SYNJ1: variants seen among roughly 807,000 people sequenced by gnomAD.
The protein encoded by SYNJ1 is polyphosphatidylinositol phosphatase SYNJ1.
A neutral mutation model predicts 168.2 loss-of-function variants in SYNJ1; 78 were observed. The observed-to-expected ratio is 0.46, with a 90% CI of 0.39 to 0.56. The LOEUF (loss-of-function observed/expected upper bound fraction) is 0.56. Among genes scored for constraint, SYNJ1 ranks in the 20% least tolerant of loss-of-function variants. The pLI is 0.00. For synonymous variants in SYNJ1, 539 were observed against 548.6 expected, an observed-to-expected ratio of 0.98 and a Z score of 0.24; for missense variants, 1,303 against 1,597.6, an observed-to-expected ratio of 0.82 and a Z score of 3.14.
intron 2 of SYNJ1, among the ~76,000 whole-genome samples, chr21:32,708,979 A>G (rs1317116783): frequency 1.3e-5 from 2 of 152,304 alleles, no homozygotes; most frequent in South Asian, 4.1e-4. Context: ...AGGTGGAACA[A>G]TATGTAACAG....
intron 6 of SYNJ1, among the ~76,000 whole-genome samples, 177 bp from the exon 7 acceptor site, chr21:32,688,544 A>C (rs534835808): frequency 6.6e-6 from 1 of 152,278 alleles, no homozygotes; most frequent in Non-Finnish European, 1.5e-5. Flanking sequence ...TCCACCCTCC[A>C]CCTTTATTTT....
In SYNJ1 at chr21:32,670,340, T is replaced by C. The variant is rs1174678552; in HGVS notation, c.1759A>G (p.Ile587Val). 4 of 1,613,582 alleles carry C rather than the reference T, an allele frequency of 2.5e-6. No homozygotes were observed. Among genetic ancestry groups the C allele is most frequent in the African/African-American group, 1.3e-5 (1 of 75,052 alleles). The change falls in exon 15 of 33, where the codon ATT becomes GTT. Residue 587 changes from isoleucine (I) to valine (V), a missense_variant. Physicochemically the swap from Ile to Val is conservative, Grantham distance 29 (BLOSUM62 3). This residue lies in a region of SYNJ1 where 920 missense variants were observed against 1,208.8 expected (regional missense o/e 0.76). Transcript: ENST00000674351. ...AATTCTACCATTTCTTCAAAACCAA[T>C]TGCAAATATATCAGTTGGCTTACTT... ...KRSKPTDIFA[I>V]GFEEMVELNA...
In SYNJ1 at chr21:32,676,428, G is replaced by C. The variant is rs2041412392; in HGVS notation, c.1511-73C>G. 2.8e-6 allele frequency: 4 copies of C among 1,454,170 alleles called. No homozygotes were observed. In the African/African-American group the frequency reaches 4.3e-5, roughly 16 times the overall value. 90.1% of individuals were successfully genotyped at this position (1,454,170 alleles called of 1,614,324 possible). A position where few individuals can be genotyped will look rare whatever the true frequency, so the allele number is the denominator to read the frequency against. ...TTACAATTAAAATGTTGAGTATAGTGACAAAACATTTTGAGAAGACCTCAC... is the reference window on the plus strand; with the variant it reads ...TTACAATTAAAATGTTGAGTATAGTCACAAAACATTTTGAGAAGACCTCAC... On this transcript the variant is annotated intron_variant, in intron 12 of 32. Coordinates refer to ENST00000674351, the MANE Select transcript of SYNJ1 (RefSeq NM_203446.3).
At chr21:32,640,696 G>A (rs541835455) in intron 29 of SYNJ1, among the ~76,000 whole-genome samples, 9 of 152,198 alleles carry the variant, frequency 5.9e-5, no homozygotes, top group African/African-American at 2.2e-4. Flanking sequence ...TGCGTAGCTG[G>A]GACTACAGGT....
Position 32,673,416 on chromosome 21 carries a change from G to T in SYNJ1, c.1650C>A (p.Ser550Arg), listed in dbSNP as rs764270943. The T allele has an allele frequency of 6.2e-7, 1 of 1,613,940 alleles. No individual in the cohort carries two copies. The highest frequency in any genetic ancestry group is 1.7e-5 in the Admixed American group (1 of 59,990). Residue 550 changes from serine to arginine, a missense_variant, in exon 14 of 33, where the codon AGC becomes AGA. This residue lies in a region of SYNJ1 where 920 missense variants were observed against 1,208.8 expected (regional missense o/e 0.76). Coordinates refer to ENST00000674351, the MANE Select transcript of SYNJ1 (RefSeq NM_203446.3). ...TGAGTGTCTGATTCTTAAAAGCTAT[G>T]CTGCGAAATTGCTTCCCACCATTCA... ...WNVNGGKQFR[S>R]IAFKNQTLTD...
At chr21:32,690,521 A>G (rs909993349) in intron 6 of SYNJ1, among the ~76,000 whole-genome samples, 1 of 152,184 alleles carries the variant, frequency 6.6e-6, no homozygotes, top group South Asian at 2.1e-4. Context: ...ACAATAACAG[A>G]GCTATTGCCA....
rs2039858537 is a variant in SYNJ1, at chr21:32,641,962, G to C, written c.3522C>G (p.Arg1174=). 1 of 1,613,914 alleles carries C rather than the reference G, an allele frequency of 6.2e-7. No individual in the cohort carries two copies. The highest frequency in any genetic ancestry group is 8.5e-7 in the Non-Finnish European group (1 of 1,179,928). The change falls in exon 29 of 33, where the codon CGC becomes CGG. Residue 1174 remains arginine, a synonymous_variant. Transcript: ENST00000674351. ...PGTTRKDNIG[R]SQPSPQAGLA... ...GTCCTGCTTGAGGTGAAGGCTGACTGCGTCCTGGAACAAAGACATCATATC... is the reference window on the plus strand; with the variant it reads ...GTCCTGCTTGAGGTGAAGGCTGACTCCGTCCTGGAACAAAGACATCATATC...
intron 19 of SYNJ1, 34 bp downstream of exon 19, chr21:32,657,682 T>C (rs749985131): frequency 1.7e-4 from 260 of 1,563,236 alleles, no homozygotes; most frequent in Non-Finnish European, 2.2e-4. Context: ...AAGTTTACAT[T>C]AGTTCATTTA....
chr21:32,637,399 CTTTTTTCTTTTTTTT>C (rs1421238215), intron 31 of SYNJ1, among the ~76,000 whole-genome samples: 2 of 137,394 alleles, frequency 1.5e-5, no homozygotes, highest in Non-Finnish European at 3.1e-5. Context: ...CTCAATTTTT[CTTTTTTCTTTTTTTT>C]TTTTTTTTTT....
intron 18 of SYNJ1, 94 bp from the exon 19 acceptor site, chr21:32,657,966 G>T: frequency 1.0e-6 from 1 of 970,780 alleles, no homozygotes; most frequent in Non-Finnish European, 1.5e-6. Context: ...ATTACATGCT[G>T]GATGCTCTCA....
intron 2 of SYNJ1, among the ~76,000 whole-genome samples, chr21:32,715,727 A>G (rs1050520103): frequency 3.0e-4 from 46 of 152,256 alleles, no homozygotes; most frequent in African/African-American, 1.1e-3. Flanking sequence ...GAAACACAAA[A>G]TTTTAATAAG....
At chr21:32,653,169 A>G in intron 22 of SYNJ1, 119 bp downstream of exon 22, 2 of 773,832 alleles carry the variant, frequency 2.6e-6, no homozygotes, top group Non-Finnish European at 2.1e-6. Flanking sequence ...CTCCTCGAAC[A>G]TACCATAAGG....
At chr21:32,634,569 C>G (rs923093288) in intron 32 of SYNJ1, among the ~76,000 whole-genome samples, 2 of 152,086 alleles carry the variant, frequency 1.3e-5, no homozygotes, top group Non-Finnish European at 2.9e-5. Flanking sequence ...GCCAAAAAGG[C>G]CTTCATATAC....
At position 32,701,965 on chromosome 21, in the gene SYNJ1, A is replaced by G; in HGVS notation, c.207T>C (p.Asn69=). 1 of 1,540,664 alleles carries G rather than the reference A, an allele frequency of 6.5e-7. No homozygotes were observed. Among genetic ancestry groups the G allele is most frequent in the Non-Finnish European group, 8.8e-7 (1 of 1,134,910 alleles). Residue 69 remains asparagine (N), a synonymous_variant, in exon 3 of 33, where the codon AAT becomes AAC. Transcript: ENST00000674351. ...TCTACTGAATGATAAACTTACCAAG[A>G]TTTAACCGCAGAACACCTAAGAGTC... ...AYGLLGVLRL[N]LGDTMLHYLV...
Position 32,684,873 on chromosome 21 carries a change from T to C in SYNJ1, c.1119-754A>G, listed in dbSNP as rs572847255. Among the ~76,000 whole-genome samples, 6 of 152,120 alleles carry C rather than the reference T, an allele frequency of 3.9e-5. 1 individual carries two copies. In the South Asian group the frequency reaches 6.2e-4, roughly 16 times the overall value. The stretch of plus-strand genomic sequence containing the variant: ...ATAGAGTCTATCCCTATAATTGTTA[T>C]TGATACATGTTAAGACTTAAGTACG... On this transcript the variant is annotated intron_variant, in intron 9 of 32. Coordinates refer to ENST00000674351, the MANE Select transcript of SYNJ1 (RefSeq NM_203446.3).
intron 3 of SYNJ1, among the ~76,000 whole-genome samples, chr21:32,701,729 C>T (rs982255174): frequency 6.6e-6 from 1 of 152,114 alleles, no homozygotes; most frequent in African/African-American, 2.4e-5. Context: ...TTCAAGTGGT[C>T]AAACCAGAGA....
At chr21:32,717,948 T>C (rs1357506830) in intron 2 of SYNJ1, among the ~76,000 whole-genome samples, 1 of 152,314 alleles carries the variant, frequency 6.6e-6, no homozygotes, top group East Asian at 1.9e-4. Context: ...GCTGGAGCAT[T>C]CATAAAACCC....
intron 13 of SYNJ1, 82 bp downstream of exon 13, chr21:32,676,250 G>GTTTTACATATAATTGTTT: frequency 9.1e-7 from 1 of 1,102,438 alleles, no homozygotes; most frequent in Non-Finnish European, 1.3e-6. Flanking sequence ...CCAATTATAT[G>GTTTTACATATAATTGTTT]GCTTTATTTG....
intron 24 of SYNJ1, chr21:32,646,005 C>G (rs1489747531): frequency 1.2e-6 from 1 of 832,606 alleles, no homozygotes. Flanking sequence ...GACTTCTTAC[C>G]TAGGCCTCAG....
Sources: allele counts gnomAD v4.1 joint callset (sites outside exome capture counted in the v4.1 genomes callset), GRCh38; gene constraint gnomAD v4.1.1; regional missense constraint gnomAD v4.1.1; transcripts MANE v1.5; gene names NCBI Gene and HGNC (gene_info 2026-07-23, HGNC 2026-07-21).